The following CYSTM1 variants were observed in gnomAD, a reference collection of about 807,000 sequenced individuals.
The protein encoded by CYSTM1 is cysteine rich transmembrane module containing 1, also known as cysteine-rich transmembrane module-containing protein 1.
In CYSTM1, 4 loss-of-function variants were observed where a neutral mutation model predicts 13.1. The ratio of observed to expected loss-of-function variants is 0.31; its 90% CI spans 0.15 to 0.70. The LOEUF (loss-of-function observed/expected upper bound fraction) is 0.70. Among genes scored for constraint, CYSTM1 ranks in the 30% least tolerant of loss-of-function variants. The probability of loss-of-function intolerance (pLI) is 0.72; values close to 1 mark genes in which losing one functional copy is unlikely to be tolerated. For synonymous variants in CYSTM1, 36 were observed against 42.7 expected (o/e 0.84, Z 0.62); for missense variants, 96 against 121.6 (o/e 0.79, Z 0.99).
intron 2 of CYSTM1, among the ~76,000 whole-genome samples, chr5:140,216,676 C>T (rs1022615398): frequency 1.3e-5 from 2 of 152,202 alleles, no homozygotes; most frequent in African/African-American, 4.8e-5. Flanking sequence ...GCTATCAGGG[C>T]TGCAATGCTT....
At chr5:140,216,872 G>T (rs1764433646) in intron 2 of CYSTM1, among the ~76,000 whole-genome samples, 1 of 148,230 alleles carries the variant, frequency 6.7e-6, no homozygotes, top group East Asian at 2.0e-4. Flanking sequence ...AGGAAGTAGA[G>T]CCCTCTCCCT....
chr5:140,227,221 G>A (rs1764568330), intron 2 of CYSTM1, among the ~76,000 whole-genome samples: 1 of 152,194 alleles, frequency 6.6e-6, no homozygotes, highest in Non-Finnish European at 1.5e-5. Context: ...AAGAGGCTGG[G>A]GTTGATTTGG....
intron 2 of CYSTM1, among the ~76,000 whole-genome samples, chr5:140,199,566 C>A (rs1355787779): frequency 2.0e-5 from 3 of 152,222 alleles, no homozygotes; most frequent in Admixed American, 6.5e-5. Flanking sequence ...TCTTGACTTA[C>A]TGCAACCTCC....
chr5:140,189,666 T>C (rs1191139939), intron 1 of CYSTM1, among the ~76,000 whole-genome samples: 1 of 152,210 alleles, frequency 6.6e-6, no homozygotes, highest in African/African-American at 2.4e-5. Context: ...TGTGAAAATA[T>C]ATAATAATTG....
rs1764470697 is a variant in CYSTM1, at chr5:140,219,955, G to T, written c.188-23350G>T. ...TTCCAAAGAGCCAGCTCCACTCAAA[G>T]TAACTTCTCTCTTTTTTTTTTCTGT... On this transcript the variant is annotated intron_variant, in intron 2 of 2. Transcript: ENST00000261811. This position sits in a 1 kb window ranked among gnomAD's most constrained non-coding sequence, Gnocchi z 4.1. Among the ~76,000 whole-genome samples the T allele has an allele frequency of 6.6e-6, 1 of 152,086 alleles. No homozygotes were observed. The highest frequency in any genetic ancestry group is 2.1e-4 in the South Asian group (1 of 4,826).
chr5:140,209,602 G>T (rs918130676), intron 2 of CYSTM1, among the ~76,000 whole-genome samples: 1 of 144,134 alleles, frequency 6.9e-6, no homozygotes, highest in African/African-American at 2.5e-5. Context: ...GCTAATTTTT[G>T]TATTTTTAGT....
chr5:140,243,579 C>T lies in CYSTM1; in HGVS notation c.*168C>T. The stretch of plus-strand genomic sequence containing the variant: ...TAATGGGGGTTGCTACTGTTTAATT[C>T]AGTGACTTGATCTTTTTAATGTCCA... On this transcript the variant is annotated 3_prime_UTR_variant, in exon 3 of 3. Transcript: ENST00000261811. 1 of 532,058 alleles carries T rather than the reference C, an allele frequency of 1.9e-6. No individual in the cohort carries two copies. Among genetic ancestry groups the T allele is most frequent in the Non-Finnish European group, 3.3e-6 (1 of 303,262 alleles). The allele number at this position is 532,058 out of a possible 1,614,324, so 33.0% of individuals were successfully genotyped here. A position where few individuals can be genotyped will look rare whatever the true frequency, so the allele number is the denominator to read the frequency against.
At chr5:140,180,125 T>C (rs528995559) in intron 1 of CYSTM1, among the ~76,000 whole-genome samples, 2 of 151,620 alleles carry the variant, frequency 1.3e-5, no homozygotes, top group Non-Finnish European at 2.9e-5. Flanking sequence ...CTCAAAGGAG[T>C]AAGTTATTAA....
At position 140,239,165 on chromosome 5, in the gene CYSTM1, C is replaced by T. The variant is rs1322249091; in HGVS notation, c.188-4140C>T. Among the ~76,000 whole-genome samples the T allele has an allele frequency of 6.6e-6, 1 of 152,176 alleles. No individual in the cohort carries two copies. Among genetic ancestry groups the T allele is most frequent in the South Asian group, 2.1e-4 (1 of 4,832 alleles). On this transcript the variant is annotated intron_variant, in intron 2 of 2. Transcript: ENST00000261811. The surrounding 1 kb of genome is among the most constrained non-coding windows in gnomAD (Gnocchi z 5.4). ...ATAAGGCTCAATTACCACATCAAGG[C>T]ACTCGATTCATCATTTACAAAGTCC...
intron 2 of CYSTM1, among the ~76,000 whole-genome samples, chr5:140,235,296 G>A (rs1401924899): frequency 6.6e-6 from 1 of 151,678 alleles, no homozygotes. Flanking sequence ...TCCTCCAAAA[G>A]CTGCATTAGG....
At chr5:140,183,236 C>T (rs530244138) in intron 1 of CYSTM1, among the ~76,000 whole-genome samples, 1 of 152,182 alleles carries the variant, frequency 6.6e-6, no homozygotes, top group Non-Finnish European at 1.5e-5. Context: ...TGTGTCCTCT[C>T]AACTTGGCAG....
intron 2 of CYSTM1, among the ~76,000 whole-genome samples, chr5:140,223,824 G>T (rs1227009450): frequency 2.0e-5 from 3 of 152,190 alleles, no homozygotes; most frequent in Non-Finnish European, 4.4e-5. Context: ...CATTCCTCTG[G>T]CAGGGAGAGA....
chr5:140,189,570 T>C, intron 1 of CYSTM1, among the ~76,000 whole-genome samples: 1 of 152,238 alleles, frequency 6.6e-6, no homozygotes, highest in Non-Finnish European at 1.5e-5. Flanking sequence ...CTGCCTTCTT[T>C]TGCTCACACG....
chr5:140,182,603 A>G (rs918543249), intron 1 of CYSTM1, among the ~76,000 whole-genome samples: 2 of 149,116 alleles, frequency 1.3e-5, no homozygotes, highest in Non-Finnish European at 3.0e-5. Context: ...GGAAACTCAG[A>G]TCTTTCTTGG....
intron 1 of CYSTM1, among the ~76,000 whole-genome samples, chr5:140,185,269 C>T (rs1019945112): frequency 2.0e-5 from 3 of 152,146 alleles, no homozygotes; most frequent in Non-Finnish European, 4.4e-5. Context: ...CCTTGTTCAG[C>T]GAAAGGTCCC....
intron 1 of CYSTM1, among the ~76,000 whole-genome samples, chr5:140,177,178 G>A (rs775567009): frequency 1.9e-4 from 29 of 152,090 alleles, no homozygotes; most frequent in Admixed American, 6.6e-5. Context: ...CTGAGCAACA[G>A]GAAAAATATA....
intron 2 of CYSTM1, among the ~76,000 whole-genome samples, chr5:140,214,599 T>G (rs1390201381): frequency 1.3e-5 from 2 of 148,328 alleles, no homozygotes; most frequent in Admixed American, 1.4e-4. Flanking sequence ...GCAGCCTGGT[T>G]TTCTGCTTTG....
intron 2 of CYSTM1, among the ~76,000 whole-genome samples, chr5:140,232,412 C>T (rs1700977307): frequency 6.6e-6 from 1 of 152,004 alleles, no homozygotes; most frequent in African/African-American, 2.4e-5. Flanking sequence ...GGAAAGATGG[C>T]AGTGTAGGGC....
At chr5:140,242,923 T>C (rs1328770426) in intron 2 of CYSTM1, among the ~76,000 whole-genome samples, 1 of 152,236 alleles carries the variant, frequency 6.6e-6, no homozygotes, top group Non-Finnish European at 1.5e-5. Flanking sequence ...CTTTCCTCTG[T>C]TATTCTTGGG....
Sources: gnomAD v4.1 joint callset for allele counts (sites outside exome capture counted in the v4.1 genomes callset) on GRCh38, gnomAD v4.1.1 for gene constraint, Gnocchi (gnomAD v3.1) non-coding constraint, MANE v1.5 for transcripts, NCBI Gene and HGNC (gene_info 2026-07-23, HGNC 2026-07-21) for gene names.